The following CSGALNACT2 variants were observed in gnomAD, a reference collection of about 807,000 sequenced individuals.
CSGALNACT2 encodes beta 4 GalNAcT-2.
Under a neutral mutation model 55.3 loss-of-function variants are expected in CSGALNACT2, and 35 were observed. The observed-to-expected ratio is 0.63, with a 90% confidence interval of 0.48 to 0.84. The LOEUF is 0.84. Among genes scored for constraint, CSGALNACT2 ranks in the 40% least tolerant of loss-of-function variants. The pLI is 0.00. For synonymous variants in CSGALNACT2, 196 were observed against 224.9 expected, an observed-to-expected ratio of 0.87 and a Z score of 1.15; for missense variants, 544 against 657.5, an observed-to-expected ratio of 0.83 and a Z score of 1.89.
At chr10:43,177,891 AGGAGTTCCAG>A (rs1839511177) in intron 7 of CSGALNACT2, among the ~76,000 whole-genome samples, 1 of 152,242 alleles carries the variant, frequency 6.6e-6, no homozygotes, top group South Asian at 2.1e-4. Context: ...AGCAGTGTTT[AGGAGTTCCAG>A]TTTCCCCACA....
At chr10:43,138,589 G>T (rs1379674648) in intron 1 of CSGALNACT2, 22 bp downstream of exon 1, 2 of 150,960 alleles carry the variant, frequency 1.3e-5, no homozygotes, top group Non-Finnish European at 3.0e-5. Flanking sequence ...GCCCGGCCTC[G>T]CCCGCCGGTC....
At chr10:43,151,743 A>G (rs1364780764) in intron 1 of CSGALNACT2, among the ~76,000 whole-genome samples, 2 of 152,190 alleles carry the variant, frequency 1.3e-5, no homozygotes, top group Non-Finnish European at 2.9e-5. Flanking sequence ...CCATGAACTC[A>G]GGGAATCTGC....
intron 1 of CSGALNACT2, among the ~76,000 whole-genome samples, chr10:43,153,164 G>A (rs569962770): frequency 7.7e-4 from 117 of 151,958 alleles, no homozygotes; most frequent in African/African-American, 2.6e-3. Context: ...ATGAAACCCC[G>A]TCTCTACTAA....
intron 1 of CSGALNACT2, among the ~76,000 whole-genome samples, chr10:43,145,416 T>TC (rs1473965319): frequency 2.8e-5 from 4 of 145,416 alleles, no homozygotes; most frequent in Non-Finnish European, 6.1e-5. Context: ...GTTTCTTTTT[T>TC]TTTTTTTTTT....
In CSGALNACT2 at chr10:43,174,853, C is replaced by G. The variant is rs115602170; in HGVS notation, c.1255-1098C>G. On this transcript the variant is annotated intron_variant, in intron 6 of 7. Coordinates refer to ENST00000374466, the MANE Select transcript of CSGALNACT2 (RefSeq NM_018590.5). The stretch of plus-strand genomic sequence containing the variant: ...TTGTCACCTCTGTTTATTGCTAAGC[C>G]TCAGTTACTAGAACCATATCCAAAA... Among the ~76,000 whole-genome samples the G allele has an allele frequency of 9.0e-3, 1,373 of 152,302 alleles. 21 individuals carry two copies. The highest frequency in any genetic ancestry group is 0.032 in the African/African-American group (1,330 of 41,544).
At chr10:43,182,590 A>G (rs1373770262) in intron 7 of CSGALNACT2, among the ~76,000 whole-genome samples, 3 of 152,102 alleles carry the variant, frequency 2.0e-5, no homozygotes, top group Non-Finnish European at 2.9e-5. Context: ...CTCAAAGGAC[A>G]GAAAATGTGG....
Position 43,155,095 on chromosome 10 carries a change from A to C in CSGALNACT2, c.-55A>C. On this transcript the variant is annotated 5_prime_UTR_variant, in exon 2 of 8. Transcript: ENST00000374466. ...TTTTAATTTTTGATAACTTTTTACTAAAGGTATGAACACACAAAGAGCTTA... is the reference window on the plus strand; with the variant it reads ...TTTTAATTTTTGATAACTTTTTACTCAAGGTATGAACACACAAAGAGCTTA... 1 of 1,322,554 alleles carries C rather than the reference A, an allele frequency of 7.6e-7. No homozygotes were observed. Among genetic ancestry groups the C allele is most frequent in the East Asian group, 2.3e-5 (1 of 42,732 alleles). 81.9% of individuals were successfully genotyped at this position (1,322,554 alleles called of 1,614,324 possible). A position where few individuals can be genotyped will look rare whatever the true frequency, so the allele number is the denominator to read the frequency against.
At chr10:43,175,615 A>G (rs1322609416) in intron 6 of CSGALNACT2, among the ~76,000 whole-genome samples, 1 of 152,166 alleles carries the variant, frequency 6.6e-6, no homozygotes, top group Non-Finnish European at 1.5e-5. Flanking sequence ...GGGTTGGGGG[A>G]ATGGATACTG....
chr10:43,161,684 G>A (rs1470214217), intron 4 of CSGALNACT2, among the ~76,000 whole-genome samples: 1 of 152,182 alleles, frequency 6.6e-6, no homozygotes, highest in Non-Finnish European at 1.5e-5. Context: ...TCCTCCTCCT[G>A]ATGGCCCTCT....
chr10:43,159,417 A>G (rs1334120955), intron 3 of CSGALNACT2, among the ~76,000 whole-genome samples: 3 of 150,236 alleles, frequency 2.0e-5, no homozygotes, highest in Non-Finnish European at 4.4e-5. Flanking sequence ...TCCTGCCTCA[A>G]CCTCCCAAGT....
rs78914303 is a variant in CSGALNACT2, at chr10:43,145,610, G to A, written c.-254+7043G>A. On this transcript the variant is annotated intron_variant, in intron 1 of 7. Transcript: ENST00000374466. ...TTCTTATAGAGGCAAGGTCTCGCTA[G>A]CTATATTGCCCAGGCTGATCTCAAA... Among the ~76,000 whole-genome samples, 1,586 of 152,018 alleles carry A rather than the reference G, an allele frequency of 0.01. 70 individuals are homozygous for A. The East Asian group carries it at 0.15, about 15-fold the overall frequency.
At chr10:43,160,015 T>C (rs941159383) in intron 3 of CSGALNACT2, among the ~76,000 whole-genome samples, 1 of 152,182 alleles carries the variant, frequency 6.6e-6, no homozygotes, top group South Asian at 2.1e-4. Flanking sequence ...CCTAAAGCAT[T>C]TTTTTATTGC....
At chr10:43,180,439 G>C (rs75842659) in intron 7 of CSGALNACT2, among the ~76,000 whole-genome samples, 6,665 of 152,062 alleles carry the variant, frequency 0.044, 181 homozygotes, top group South Asian at 0.089. Context: ...CAGTGTTTTT[G>C]ATCTCTAGCA....
In CSGALNACT2 at chr10:43,142,846, A is replaced by T. The variant is rs564613047; in HGVS notation, c.-254+4279A>T. ...TCTATTTGAGGGAAAAATTACTTTT[A>T]TTAGGATTACTTCAGGTAGGGAAGC... On this transcript the variant is annotated intron_variant, in intron 1 of 7. Coordinates refer to ENST00000374466, the MANE Select transcript of CSGALNACT2 (RefSeq NM_018590.5). 4.6e-5 allele frequency among the ~76,000 whole-genome samples: 7 copies of T among 152,340 alleles called. No individual in the cohort carries two copies. The South Asian group carries it at 1.4e-3, about 32-fold the overall frequency.
intron 7 of CSGALNACT2, among the ~76,000 whole-genome samples, chr10:43,176,692 GT>G (rs1247723630): frequency 6.6e-6 from 1 of 152,172 alleles, no homozygotes; most frequent in Non-Finnish European, 1.5e-5. Context: ...CAATCCCCAA[GT>G]AGCTGTGACC....
At position 43,148,726 on chromosome 10, in the gene CSGALNACT2, C is replaced by T. The variant is rs181383733; in HGVS notation, c.-253-6171C>T. On this transcript the variant is annotated intron_variant, in intron 1 of 7. Coordinates refer to ENST00000374466, the MANE Select transcript of CSGALNACT2 (RefSeq NM_018590.5). ...AGAAATACAATTGATTTTTGTATATCGATATTGTATCCTACAACTGGCTGA... is the reference window on the plus strand; with the variant it reads ...AGAAATACAATTGATTTTTGTATATTGATATTGTATCCTACAACTGGCTGA... Among the ~76,000 whole-genome samples, 42 of 151,918 alleles carry T rather than the reference C, an allele frequency of 2.8e-4. No homozygotes were observed. The East Asian group carries it at 6.8e-3, about 24-fold the overall frequency.
chr10:43,170,374 T>C (rs1032846387), intron 6 of CSGALNACT2, among the ~76,000 whole-genome samples: 1 of 152,158 alleles, frequency 6.6e-6, no homozygotes, highest in Non-Finnish European at 1.5e-5. Context: ...AAGAAGACCC[T>C]GGAGCATCTT....
At chr10:43,182,484 A>T (rs1295227877) in intron 7 of CSGALNACT2, among the ~76,000 whole-genome samples, 1 of 152,162 alleles carries the variant, frequency 6.6e-6, no homozygotes, top group Non-Finnish European at 1.5e-5. Context: ...AGCTTTAAAT[A>T]ATCTATGGAC....
chr10:43,157,098 A>G (rs560513479), intron 2 of CSGALNACT2, among the ~76,000 whole-genome samples: 14 of 151,856 alleles, frequency 9.2e-5, no homozygotes, highest in African/African-American at 3.4e-4. Flanking sequence ...GCCATTTTTG[A>G]TGGATTATTT....
Sources: gnomAD v4.1 joint callset for allele counts (sites outside exome capture counted in the v4.1 genomes callset) on GRCh38, gnomAD v4.1.1 for gene constraint, MANE v1.5 for transcripts, NCBI Gene and HGNC (gene_info 2026-07-23, HGNC 2026-07-21) for gene names.